Variants in ASAP2 observed in about 807,000 individuals in gnomAD.
ASAP2 encodes the protein ArfGAP with SH3 domain, ankyrin repeat and PH domain 2.
A neutral mutation model predicts 131.4 loss-of-function variants in ASAP2; 45 were observed. That is an observed-to-expected ratio of 0.34 (90% confidence interval 0.27 to 0.44). ASAP2 has a LOEUF of 0.44. Ranked by LOEUF, ASAP2 falls within the 20% of genes least tolerant of loss-of-function variation. The pLI is 1.00. For missense variants in ASAP2, 1,011 were observed against 1,297.0 expected (o/e 0.78, Z 3.39); for synonymous variants, 510 against 503.0 (o/e 1.01, Z -0.19).
At chr2:9,293,882 A>C (rs1248402912) in intron 2 of ASAP2, among the ~76,000 whole-genome samples, 1 of 152,186 alleles carries the variant, frequency 6.6e-6, no homozygotes, top group Admixed American at 6.5e-5. Flanking sequence ...GGATGAAAGC[A>C]CTGTAAACGT....
In ASAP2 at chr2:9,327,874, C is replaced by T; in HGVS notation, c.649C>T (p.Leu217Phe). The change falls in exon 7 of 28, where the codon CTT (leucine) becomes TTT (phenylalanine). Residue 217 changes from leucine to phenylalanine, a missense_variant. This residue lies in a region of ASAP2 where 359 missense variants were observed against 598.1 expected (regional missense o/e 0.60). Transcript: ENST00000281419. ...CAAGATTAAAAAGGGAGTAGATTTA[C>T]TTCAGAATCTGATCAAATACTTTCA... ...EIKIKKGVDL[L>F]QNLIKYFHAQ... is the part of the protein sequence containing the mutation. The T allele has an allele frequency of 6.3e-7, 1 of 1,583,660 alleles. No individual in the cohort carries two copies. The highest frequency in any genetic ancestry group is 1.2e-5 in the South Asian group (1 of 84,504).
rs542899063 is a variant in ASAP2 at position 9,281,017 on chromosome 2, C to G, written c.199+1628C>G. 3.9e-5 allele frequency among the ~76,000 whole-genome samples: 6 copies of G among 152,300 alleles called. No individual in the cohort carries two copies. Among genetic ancestry groups the G allele is most frequent in the Non-Finnish European group, 8.8e-5 (6 of 68,036 alleles). ...GTGAGTGGCCCACTCTGTTTCAAAG[C>G]CACCATGCCTTCAGTGTGTCTGTCA... is the stretch of plus-strand genomic sequence containing the variant. On this transcript the variant is annotated intron_variant, in intron 2 of 27. Coordinates refer to ENST00000281419, the MANE Select transcript of ASAP2 (RefSeq NM_003887.3). The surrounding 1 kb of genome is among the most constrained non-coding windows in gnomAD (Gnocchi z 4.0).
At chr2:9,298,353 G>A (rs1367202277) in intron 3 of ASAP2, among the ~76,000 whole-genome samples, 1 of 152,216 alleles carries the variant, frequency 6.6e-6, no homozygotes, top group Non-Finnish European at 1.5e-5. Context: ...AAATGAGGGA[G>A]CATCACATGT....
chr2:9,320,203 TCAGGGCTAGTA>T, intron 4 of ASAP2, 74 bp from the exon 5 acceptor site: 1 of 1,130,980 alleles, frequency 8.8e-7, no homozygotes, highest in South Asian at 1.3e-5. Context: ...AATGCTCCTT[TCAGGGCTAGTA>T]CAGGGATAAG....
chr2:9,356,132 A>G (rs1672681439), intron 13 of ASAP2, 37 bp downstream of exon 13: 1 of 1,614,210 alleles, frequency 6.2e-7, no homozygotes, highest in Non-Finnish European at 8.5e-7. Flanking sequence ...GGCTGGACTC[A>G]GCCGTTGTTT....
At chr2:9,234,455 C>T (rs1194184522) in intron 1 of ASAP2, among the ~76,000 whole-genome samples, 4 of 152,094 alleles carry the variant, frequency 2.6e-5, no homozygotes, top group Admixed American at 1.3e-4. Flanking sequence ...GTAATGGCGG[C>T]GCGTGGCCTT....
Position 9,217,612 on chromosome 2 carries a change from TG to T in ASAP2, c.126+10383del, listed in dbSNP as rs1211527222. Among the ~76,000 whole-genome samples the T allele has an allele frequency of 7.2e-5, 9 of 124,542 alleles. No individual in the cohort carries two copies. The highest frequency in any genetic ancestry group is 1.2e-4 in the Non-Finnish European group (7 of 56,388). The allele number at this position is 124,542 out of a possible 152,430, so 81.7% of individuals were successfully genotyped here. A position where few individuals can be genotyped will look rare whatever the true frequency, so the allele number is the denominator to read the frequency against. Reference sequence around the variant, plus strand: ...CATGTTCTTCTTAGAGGTATGTTTTTGTTTTTTGTTTTTTTTTTTGAGACGG... The same window carrying T: ...CATGTTCTTCTTAGAGGTATGTTTTTTTTTTTGTTTTTTTTTTTGAGACGG... On this transcript the variant is annotated intron_variant, in intron 1 of 27. Transcript: ENST00000281419. The surrounding 1 kb of genome is among the most constrained non-coding windows in gnomAD (Gnocchi z 4.0).
chr2:9,335,717 A>G (rs1322726946), intron 9 of ASAP2, among the ~76,000 whole-genome samples: 1 of 152,252 alleles, frequency 6.6e-6, no homozygotes, highest in African/African-American at 2.4e-5. Flanking sequence ...TCTGTGTGCT[A>G]ACACGTCAGC....
At chr2:9,286,837 G>A (rs185672654) in intron 2 of ASAP2, among the ~76,000 whole-genome samples, 24 of 152,256 alleles carry the variant, frequency 1.6e-4, no homozygotes, top group African/African-American at 4.8e-4. Context: ...TATGTACACC[G>A]TGTGTGATTA....
At chr2:9,368,335 T>C (rs1673637986) in intron 15 of ASAP2, 90 bp from the exon 16 acceptor site, 1 of 1,195,706 alleles carries the variant, frequency 8.4e-7, no homozygotes, top group East Asian at 2.4e-5. Flanking sequence ...TTAGTGGCCA[T>C]TAAATAAATC....
intron 16 of ASAP2, among the ~76,000 whole-genome samples, chr2:9,370,304 A>G (rs1673848156): frequency 6.6e-6 from 1 of 152,236 alleles, no homozygotes; most frequent in Admixed American, 6.5e-5. Context: ...GGTATCAGGT[A>G]TCTCAGGTGA....
At chr2:9,360,392 T>C (rs1023200700) in intron 15 of ASAP2, among the ~76,000 whole-genome samples, 5 of 152,154 alleles carry the variant, frequency 3.3e-5, no homozygotes, top group African/African-American at 1.2e-4. Flanking sequence ...AGATCTGGGG[T>C]GTGGGCCTCT....
intron 1 of ASAP2, among the ~76,000 whole-genome samples, chr2:9,214,550 G>A (rs1661860383): frequency 6.6e-6 from 1 of 151,878 alleles, no homozygotes; most frequent in Admixed American, 6.5e-5. Context: ...GCCTTTCCAG[G>A]TGCTTTTATA....
chr2:9,393,604 C>T lies in ASAP2; in HGVS notation c.2641C>T (p.Pro881Ser). The T allele has an allele frequency of 1.3e-6, 2 of 1,590,544 alleles. No individual in the cohort carries two copies. Among genetic ancestry groups the T allele is most frequent in the East Asian group, 2.3e-5 (1 of 43,836 alleles). Residue 881 changes from proline (P) to serine (S), a missense_variant, in exon 24 of 28, where the codon CCA becomes TCA. Physicochemically the swap from Pro to Ser is moderately conservative, Grantham distance 74. Transcript: ENST00000281419. ...ISQIRPPPLP[P>S]QPPSRLPQKK... ...ACAGATCAGGCCCCCACCTCTGCCC[C>T]CACAGCCGCCCAGCCGCCTCCCGCA...
At chr2:9,357,391 A>G (rs930370659) in intron 14 of ASAP2, among the ~76,000 whole-genome samples, 3 of 152,164 alleles carry the variant, frequency 2.0e-5, no homozygotes, top group African/African-American at 4.8e-5. Flanking sequence ...AGGCAGGAGA[A>G]TCACTCGAAT....
chr2:9,270,815 C>T (rs1297529015), intron 1 of ASAP2, among the ~76,000 whole-genome samples: 34 of 59,820 alleles, frequency 5.7e-4, no homozygotes, highest in Admixed American at 5.3e-3. Flanking sequence ...TTTTTTGAGA[C>T]GGAGTCTCGC....
intron 3 of ASAP2, among the ~76,000 whole-genome samples, chr2:9,302,117 C>T (rs1427373046): frequency 1.5e-5 from 2 of 134,212 alleles, no homozygotes; most frequent in Non-Finnish European, 3.2e-5. Flanking sequence ...GCCACCGCGC[C>T]CGGCCTTTTT....
chr2:9,221,740 A>G (rs1429449196), intron 1 of ASAP2, among the ~76,000 whole-genome samples: 1 of 152,176 alleles, frequency 6.6e-6, no homozygotes, highest in African/African-American at 2.4e-5. Flanking sequence ...GCAAAATATC[A>G]TCTGCAAATA....
rs201853311 is a variant in ASAP2 at position 9,393,589 on chromosome 2, C to T, written c.2626C>T (p.Pro876Ser). ...CCCGCCTGGGATCTCACAGATCAGG[C>T]CCCCACCTCTGCCCCCACAGCCGCC... ...PAPPGISQIR[P>S]PPLPPQPPSR... The change falls in exon 24 of 28, where the codon CCC becomes TCC. Residue 876 changes from proline to serine, a missense_variant. Physicochemically the swap from Pro to Ser is moderately conservative, Grantham distance 74. Around this residue, in one of 2 missense-constraint regions of ASAP2, gnomAD observed 652 missense variants for 698.9 expected, o/e 0.93. Coordinates refer to ENST00000281419, the MANE Select transcript of ASAP2 (RefSeq NM_003887.3). The T allele has an allele frequency of 7.5e-6, 12 of 1,595,316 alleles. No individual in the cohort carries two copies. Among genetic ancestry groups the T allele is most frequent in the Middle Eastern group, 1.7e-4 (1 of 5,930 alleles).
Sources: allele counts gnomAD v4.1 joint callset (sites outside exome capture counted in the v4.1 genomes callset), GRCh38; gene constraint gnomAD v4.1.1; regional missense constraint gnomAD v4.1.1; non-coding constraint Gnocchi (gnomAD v3.1); transcripts MANE v1.5; gene names NCBI Gene and HGNC (gene_info 2026-07-23, HGNC 2026-07-21).